The following FBN3 variants were observed in gnomAD, a reference collection of about 807,000 sequenced individuals.
FBN3 encodes fibrillin-3.
In FBN3, 234 loss-of-function variants were observed where a neutral mutation model predicts 330.1. That is an observed-to-expected ratio of 0.71 (90% confidence interval 0.64 to 0.79). FBN3 has a LOEUF of 0.79. Ranked by LOEUF, FBN3 falls within the 30% of genes least tolerant of loss-of-function variation. FBN3 has a pLI of 0.00. For synonymous variants in FBN3, 1,458 were observed against 1,517.3 expected (o/e 0.96, Z 0.91); for missense variants, 3,606 against 3,886.9 (o/e 0.93, Z 1.92).
intron 57 of FBN3, 26 bp from the exon 58 acceptor site, chr19:8,081,506 G>A: frequency 6.3e-7 from 1 of 1,580,506 alleles, no homozygotes; most frequent in Non-Finnish European, 8.6e-7. Context: ...GTGGGTAGTG[G>A]GGCGGGGTTA....
intron 37 of FBN3, 60 bp downstream of exon 37, chr19:8,108,110 G>A (rs1283258896): frequency 6.8e-7 from 1 of 1,473,764 alleles, no homozygotes; most frequent in Non-Finnish European, 9.4e-7. Flanking sequence ...GTGAGGTGGG[G>A]ATGAGAGAAA....
intron 26 of FBN3, among the ~76,000 whole-genome samples, chr19:8,118,363 G>A (rs2091341817): frequency 6.6e-6 from 1 of 152,314 alleles, no homozygotes; most frequent in African/African-American, 2.4e-5. Flanking sequence ...GGGAGGCTGA[G>A]ATGGGAGGAT....
chr19:8,133,291 C>T (rs759977512), intron 13 of FBN3, among the ~76,000 whole-genome samples, 185 bp from the exon 14 acceptor site: 3 of 152,172 alleles, frequency 2.0e-5, no homozygotes, highest in Non-Finnish European at 4.4e-5. Flanking sequence ...TTGAGTTCCC[C>T]GGGGCACGAC....
In FBN3 at chr19:8,109,223, T is replaced by A; in HGVS notation, c.4618+4A>T. ...CGGTGTTCAACTGCCCCGCAGGGAC[T>A]CACTGGTGTTGGCCATAGGGCACAG... On this transcript the variant is annotated splice_donor_region_variant and intron_variant, in intron 36 of 63. Transcript: ENST00000600128. The surrounding 1 kb of genome is among the most constrained non-coding windows in gnomAD (Gnocchi z 5.2). 1 of 1,613,866 alleles carries A rather than the reference T, an allele frequency of 6.2e-7. No homozygotes were observed. Among genetic ancestry groups the A allele is most frequent in the Non-Finnish European group, 8.5e-7 (1 of 1,179,898 alleles).
At position 8,109,153 on chromosome 19, in the gene FBN3, G is replaced by A; in HGVS notation, c.4618+74C>T. On this transcript the variant is annotated intron_variant, in intron 36 of 63. Transcript: ENST00000600128. This position sits in a 1 kb window ranked among gnomAD's most constrained non-coding sequence, Gnocchi z 5.2. Reference sequence around the variant, plus strand: ...CCTAAGCCCCCCACCACCGCCATTAGCAGAGGTGACCCCCTAAGCTCCCGG... The same window carrying A: ...CCTAAGCCCCCCACCACCGCCATTAACAGAGGTGACCCCCTAAGCTCCCGG... 1 of 1,459,350 alleles carries A rather than the reference G, an allele frequency of 6.9e-7. No homozygotes were observed. Among genetic ancestry groups the A allele is most frequent in the Non-Finnish European group, 9.4e-7 (1 of 1,067,220 alleles). The allele number at this position is 1,459,350 out of a possible 1,614,324, so 90.4% of individuals were successfully genotyped here.
chr19:8,126,983 A>T, intron 18 of FBN3, 151 bp from the exon 19 acceptor site: 2 of 731,578 alleles, frequency 2.7e-6, no homozygotes, highest in Non-Finnish European at 4.2e-6. Flanking sequence ...TCAAATGTGC[A>T]TGCAAGCACA....
Position 8,146,230 on chromosome 19 carries a change from A to C in FBN3, c.251-5T>G, listed in dbSNP as rs2083542372. ...CGCAGGCGCGCCTACAGATGGCTGG[A>C]TGAGTGCAGCGGGTGGCAGTCAAGA... On this transcript the variant is annotated splice_polypyrimidine_tract_variant and splice_region_variant and intron_variant, in intron 3 of 63. Coordinates refer to ENST00000600128, the MANE Select transcript of FBN3 (RefSeq NM_032447.5). 1 of 1,586,166 alleles carries C rather than the reference A, an allele frequency of 6.3e-7. No individual in the cohort carries two copies. The highest frequency in any genetic ancestry group is 1.8e-5 in the Admixed American group (1 of 54,554).
At chr19:8,117,137 C>T in intron 28 of FBN3, 32 bp downstream of exon 28, 2 of 1,612,796 alleles carry the variant, frequency 1.2e-6, no homozygotes, top group Non-Finnish European at 1.7e-6. Flanking sequence ...ACCCTCCACA[C>T]CAGGCAGTGG....
rs778922318 is a variant in FBN3, at chr19:8,125,954, C to A, written c.2669G>T (p.Gly890Val). The A allele has an allele frequency of 6.2e-7, 1 of 1,613,918 alleles. No individual in the cohort carries two copies. Among genetic ancestry groups the A allele is most frequent in the East Asian group, 2.2e-5 (1 of 44,878 alleles). Residue 890 changes from glycine (G) to valine (V), a missense_variant, in exon 22 of 64, where the codon GGG becomes GTG. Coordinates refer to ENST00000600128, the MANE Select transcript of FBN3 (RefSeq NM_032447.5). Reference protein sequence around the residue: ...CPNGRCVNTAGSFRCECPEGL... With the variant: ...CPNGRCVNTAVSFRCECPEGL... ...CTCTGGACACTCACAGCGGAAAGAC[C>A]CAGCAGTGTTGACGCAACGCCCGTT...
intron 50 of FBN3, 25 bp downstream of exon 50, chr19:8,089,869 C>G: frequency 6.3e-7 from 1 of 1,580,262 alleles, no homozygotes; most frequent in Non-Finnish European, 8.6e-7. Flanking sequence ...AGAAGGGGCT[C>G]TTAGCATGTG....
At chr19:8,122,050 G>A (rs2144901592) in intron 24 of FBN3, among the ~76,000 whole-genome samples, 1 of 152,142 alleles carries the variant, frequency 6.6e-6, no homozygotes, top group Middle Eastern at 3.4e-3. Context: ...AGCCTGGCCT[G>A]TTTGTTTTTC....
chr19:8,128,734 T>C (rs1401518106), intron 18 of FBN3, among the ~76,000 whole-genome samples: 1 of 152,144 alleles, frequency 6.6e-6, no homozygotes, highest in African/African-American at 2.4e-5. Context: ...ATGTGCAGCG[T>C]GTCTGGGTGT....
intron 46 of FBN3, 88 bp downstream of exon 46, chr19:8,095,287 G>T: frequency 2.2e-6 from 3 of 1,369,004 alleles, no homozygotes; most frequent in Non-Finnish European, 3.0e-6. Context: ...GTAGTAAATG[G>T]ATCTATGCTC....
At chr19:8,077,888 G>A (rs2081678338) in intron 59 of FBN3, among the ~76,000 whole-genome samples, 1 of 152,010 alleles carries the variant, frequency 6.6e-6, no homozygotes, top group South Asian at 2.1e-4. Flanking sequence ...ACCAGCCCGG[G>A]CAACATGGCA....
At chr19:8,133,608 G>A (rs112368459) in intron 13 of FBN3, among the ~76,000 whole-genome samples, 10,510 of 151,928 alleles carry the variant, frequency 0.069, 467 homozygotes, top group Middle Eastern at 0.12. Context: ...GTACCACCAC[G>A]CCCGGCTAAT....
At position 8,111,735 on chromosome 19, in the gene FBN3, T is replaced by C; in HGVS notation, c.3997A>G (p.Ser1333Gly). The change falls in exon 32 of 64, where the codon AGC becomes GGC. Residue 1333 changes from serine (S) to glycine (G), a missense_variant. Transcript: ENST00000600128. ...ACATTGAGACAGTCACCTCTTGGGCTGCACCGGTGCTCCTGGGAGACGCAT... is the reference window on the plus strand; with the variant it reads ...ACATTGAGACAGTCACCTCTTGGGCCGCACCGGTGCTCCTGGGAGACGCAT... ...DECVSQEHRC[S>G]PRGDCLNVPG... 1.2e-6 allele frequency: 2 copies of C among 1,610,772 alleles called. No individual in the cohort carries two copies. Among genetic ancestry groups the C allele is most frequent in the Middle Eastern group, 3.3e-4 (2 of 6,056 alleles).
intron 62 of FBN3, 61 bp downstream of exon 62, chr19:8,073,002 T>TGTGTGTGTGTGTGC (rs763385469): frequency 1.1e-6 from 1 of 929,794 alleles, no homozygotes; most frequent in African/African-American, 1.8e-5. Context: ...TGTGTGTGTG[T>TGTGTGTGTGTGTGC]GCGTGCGTGC....
chr19:8,132,859 C>A (rs1599422500), intron 14 of FBN3, 125 bp downstream of exon 14: 2 of 1,076,904 alleles, frequency 1.9e-6, no homozygotes, highest in East Asian at 5.6e-5. Context: ...TTTCTCCCTG[C>A]CCCTTCTCTT....
Position 8,132,924 on chromosome 19 carries a change from G to A in FBN3, c.1714+60C>T, listed in dbSNP as rs188423799. On this transcript the variant is annotated intron_variant, in intron 14 of 63. Coordinates refer to ENST00000600128, the MANE Select transcript of FBN3 (RefSeq NM_032447.5). The stretch of plus-strand genomic sequence containing the variant: ...TCCGGTCCCTCTCCTCTTCCTCGCC[G>A]TCCCTCTGCTTCCCCATCTCCCTTC... The A allele has an allele frequency of 2.7e-4, 396 of 1,475,168 alleles. 3 individuals carry two copies. The highest frequency in any genetic ancestry group is 2.0e-3 in the South Asian group (150 of 75,894). The allele number at this position is 1,475,168 out of a possible 1,614,324, so 91.4% of individuals were successfully genotyped here. A position where few individuals can be genotyped will look rare whatever the true frequency, so the allele number is the denominator to read the frequency against.
Sources: gnomAD v4.1 joint callset for allele counts (sites outside exome capture counted in the v4.1 genomes callset) on GRCh38, gnomAD v4.1.1 for gene constraint, Gnocchi (gnomAD v3.1) non-coding constraint, MANE v1.5 for transcripts, NCBI Gene and HGNC (gene_info 2026-07-23, HGNC 2026-07-21) for gene names.